The following PPARGC1A variants were observed in gnomAD, a reference collection of about 807,000 sequenced individuals.
The protein encoded by PPARGC1A is PPARG coactivator 1 alpha, also known as peroxisome proliferator-activated receptor gamma coactivator 1-alpha.
A neutral mutation model predicts 88.7 loss-of-function variants in PPARGC1A; 25 were observed. That is an observed-to-expected ratio of 0.28 (90% CI 0.21 to 0.39). The LOEUF (loss-of-function observed/expected upper bound fraction) is 0.39, where lower values mean the gene tolerates loss of function less well. Ranked by LOEUF, PPARGC1A falls within the 10% of genes least tolerant of loss-of-function variation. PPARGC1A has a pLI of 1.00. For synonymous variants in PPARGC1A, 363 were observed against 355.6 expected (o/e 1.02, Z -0.24); for missense variants, 880 against 968.7 (o/e 0.91, Z 1.22).
At chr4:24,266,837 C>T in the PPARGC1A span, among the ~76,000 whole-genome samples, 2 of 152,146 alleles carry the variant, frequency 1.3e-5, no homozygotes, top group Non-Finnish European at 2.9e-5. Flanking sequence ...TTCCACAACA[C>T]TAAATTGAAA....
chr4:24,207,089 T>C, the PPARGC1A span, among the ~76,000 whole-genome samples: 1 of 152,076 alleles, frequency 6.6e-6, no homozygotes, highest in Non-Finnish European at 1.5e-5. Flanking sequence ...TTAAATGTTT[T>C]GATGTAGCTA....
intron 5 of PPARGC1A, among the ~76,000 whole-genome samples, chr4:23,824,915 C>A (rs777460823): frequency 6.6e-6 from 1 of 152,060 alleles, no homozygotes; most frequent in African/African-American, 2.4e-5. Context: ...ACTCCTAAAA[C>A]GTATAATTTT....
At chr4:24,085,027 C>G in the PPARGC1A span, among the ~76,000 whole-genome samples, 1 of 152,182 alleles carries the variant, frequency 6.6e-6, no homozygotes, top group Non-Finnish European at 1.5e-5. Flanking sequence ...TGATGGATGA[C>G]AGTATCTTGA....
chr4:23,889,446 AG>A (rs1483950667), intron 1 of PPARGC1A: 5 of 895,718 alleles, frequency 5.6e-6, no homozygotes, highest in Non-Finnish European at 6.7e-6. Flanking sequence ...ACAGAGAGAG[AG>A]GGGGGAAAAA....
At chr4:23,929,286 C>T in the PPARGC1A span, among the ~76,000 whole-genome samples, 6 of 152,112 alleles carry the variant, frequency 3.9e-5, no homozygotes, top group Non-Finnish European at 5.9e-5. Flanking sequence ...TGAGACAGAG[C>T]ATGCTATATG....
At chr4:24,008,731 C>T in the PPARGC1A span, among the ~76,000 whole-genome samples, 1 of 151,800 alleles carries the variant, frequency 6.6e-6, no homozygotes, top group Non-Finnish European at 1.5e-5. Flanking sequence ...CTTTGATTGA[C>T]AGAATCTAAT....
At chr4:24,398,005 A>T in the PPARGC1A span, among the ~76,000 whole-genome samples, 1 of 152,316 alleles carries the variant, frequency 6.6e-6, no homozygotes, top group East Asian at 1.9e-4. Flanking sequence ...GTAAACTCTG[A>T]AAAAAGTGAC....
the PPARGC1A span, among the ~76,000 whole-genome samples, chr4:24,281,973 T>C: frequency 6.6e-6 from 1 of 152,204 alleles, no homozygotes; most frequent in Non-Finnish European, 1.5e-5. Context: ...CAAGGAAGCA[T>C]TGAAACCAGA....
At chr4:24,134,543 T>A in the PPARGC1A span, among the ~76,000 whole-genome samples, 1 of 152,234 alleles carries the variant, frequency 6.6e-6, no homozygotes, top group Admixed American at 6.5e-5. Flanking sequence ...TTTCAATGCA[T>A]CTCCCAATAA....
chr4:24,066,849 G>T, the PPARGC1A span, among the ~76,000 whole-genome samples: 27 of 100,854 alleles, frequency 2.7e-4, no homozygotes, highest in African/African-American at 4.1e-4. Context: ...TTTGTTTTGG[G>T]TTTTTTTTTT....
the PPARGC1A span, among the ~76,000 whole-genome samples, chr4:24,284,960 G>A: frequency 6.6e-6 from 1 of 152,060 alleles, no homozygotes; most frequent in Admixed American, 6.6e-5. Context: ...CCCAGGAGGT[G>A]GAGGTTGCAG....
chr4:24,102,848 A>G, the PPARGC1A span, among the ~76,000 whole-genome samples: 1 of 152,168 alleles, frequency 6.6e-6, no homozygotes, highest in South Asian at 2.1e-4. Context: ...TGTAGATACA[A>G]CTTCCCAGCT....
chr4:24,056,885 G>A, the PPARGC1A span, among the ~76,000 whole-genome samples: 1 of 152,188 alleles, frequency 6.6e-6, no homozygotes, highest in African/African-American at 2.4e-5. Context: ...GAGAAAAACA[G>A]CATGGTGGTT....
chr4:23,946,811 TACACACACACACACACATACAC>T, the PPARGC1A span, among the ~76,000 whole-genome samples: 23 of 150,636 alleles, frequency 1.5e-4, no homozygotes, highest in African/African-American at 5.6e-4. Flanking sequence ...AAAATATATG[TACACACACACACACACATACAC>T]ACACACACAC....
At chr4:24,434,623 G>C in the PPARGC1A span, among the ~76,000 whole-genome samples, 1 of 152,186 alleles carries the variant, frequency 6.6e-6, no homozygotes, top group African/African-American at 2.4e-5. Context: ...GCTTGGGAAA[G>C]CAAAAGGCTC....
At chr4:23,874,769 A>G (rs527639341) in intron 2 of PPARGC1A, among the ~76,000 whole-genome samples, 1 of 152,206 alleles carries the variant, frequency 6.6e-6, no homozygotes, top group Admixed American at 6.5e-5. Context: ...TCAAATCATA[A>G]GCTGTCACAG....
chr4:24,296,230 TAGGGTATCC>T, the PPARGC1A span, among the ~76,000 whole-genome samples: 1 of 150,806 alleles, frequency 6.6e-6, no homozygotes, highest in African/African-American at 2.4e-5. Flanking sequence ...TATATATATA[TAGGGTATCC>T]AGTTGAATTT....
At chr4:23,844,417 A>G (rs1182662553) in intron 2 of PPARGC1A, among the ~76,000 whole-genome samples, 1 of 113,972 alleles carries the variant, frequency 8.8e-6, no homozygotes, top group Admixed American at 1.0e-4. Flanking sequence ...ATAATAATAT[A>G]TAATATATTA....
the PPARGC1A span, among the ~76,000 whole-genome samples, chr4:24,369,602 G>C: frequency 6.6e-6 from 1 of 152,038 alleles, no homozygotes; most frequent in Non-Finnish European, 1.5e-5. Context: ...GGGTCACACA[G>C]AGAAAGAAAT....
Sources: allele counts gnomAD v4.1 joint callset (sites outside exome capture counted in the v4.1 genomes callset), GRCh38; gene constraint gnomAD v4.1.1; transcripts MANE v1.5; gene names NCBI Gene and HGNC (gene_info 2026-07-23, HGNC 2026-07-21).